LRBA: variants seen among roughly 807,000 people sequenced by gnomAD.
LRBA encodes LPS responsive beige-like anchor protein.
In LRBA, 176 loss-of-function variants were observed where a neutral mutation model predicts 330.0. That is an observed-to-expected ratio of 0.53 (90% CI 0.47 to 0.60). The LOEUF (loss-of-function observed/expected upper bound fraction) is 0.60. Among genes scored for constraint, LRBA ranks in the 20% least tolerant of loss-of-function variants. The pLI is 0.00. For missense variants in LRBA, 3,259 were observed against 3,444.8 expected, an observed-to-expected ratio of 0.95 and a Z score of 1.35; for synonymous variants, 1,230 against 1,193.0, an observed-to-expected ratio of 1.03 and a Z score of -0.64.
intron 29 of LRBA, among the ~76,000 whole-genome samples, chr4:150,828,922 G>GTGGGTGTGTGTGTGTGTGT (rs1560878315): frequency 9.4e-6 from 1 of 106,176 alleles, no homozygotes; most frequent in African/African-American, 4.5e-5. Context: ...CTTTTTTGGG[G>GTGGGTGTGTGTGTGTGTGT]GTGTGTGTGT....
intron 37 of LRBA, among the ~76,000 whole-genome samples, chr4:150,672,018 TA>T (rs1399412403): frequency 6.6e-6 from 1 of 152,200 alleles, no homozygotes; most frequent in African/African-American, 2.4e-5. Context: ...ATGTATAATA[TA>T]AAGCATTAAA....
rs1256517048 is a variant in LRBA, at chr4:150,719,363, A to G, written c.5754+15895T>C. Reference sequence around the variant, plus strand: ...AGTGCAATCTTAACCCATAGTTACAACAAAGAAAGCATCTCCATAATTAAT... The same window carrying G: ...AGTGCAATCTTAACCCATAGTTACAGCAAAGAAAGCATCTCCATAATTAAT... On this transcript the variant is annotated intron_variant, in intron 36 of 56. Transcript: ENST00000651943. Among the ~76,000 whole-genome samples the G allele has an allele frequency of 2.6e-5, 4 of 152,110 alleles. No homozygotes were observed. The East Asian group carries it at 7.7e-4, about 29-fold the overall frequency.
upstream of LRBA, chr4:151,015,723 G>C (rs1745344747): frequency 6.6e-6 from 1 of 151,772 alleles, no homozygotes; most frequent in Non-Finnish European, 1.5e-5. Flanking sequence ...ACAGCGCCGA[G>C]TGCTGCCGGG....
At chr4:150,479,127 A>C (rs1191562372) in intron 42 of LRBA, among the ~76,000 whole-genome samples, 1 of 152,058 alleles carries the variant, frequency 6.6e-6, no homozygotes, top group Non-Finnish European at 1.5e-5. Flanking sequence ...CTTAAAAAAA[A>C]AAATTAGCCA....
At chr4:150,499,947 G>A (rs1027486878) in intron 40 of LRBA, among the ~76,000 whole-genome samples, 1 of 151,828 alleles carries the variant, frequency 6.6e-6, no homozygotes, top group East Asian at 1.9e-4. Flanking sequence ...AGTGAGGTGG[G>A]AAGCAAGGAA....
intron 37 of LRBA, among the ~76,000 whole-genome samples, chr4:150,617,865 G>T (rs1345155782): frequency 6.6e-6 from 1 of 152,070 alleles, no homozygotes; most frequent in East Asian, 1.9e-4. Context: ...CAGCACTTTG[G>T]GAGGCCAAGG....
intron 36 of LRBA, among the ~76,000 whole-genome samples, chr4:150,699,076 G>A (rs1437180723): frequency 6.6e-6 from 1 of 152,096 alleles, no homozygotes; most frequent in Non-Finnish European, 1.5e-5. Context: ...CTCAACCTGA[G>A]GCAGGAAAAA....
chr4:150,850,662 G>T, intron 24 of LRBA, 62 bp downstream of exon 24: 3 of 982,290 alleles, frequency 3.1e-6, no homozygotes, highest in South Asian at 2.2e-5. Context: ...TGTTTCTATG[G>T]ATTTCTTTGA....
chr4:150,415,207 T>C (rs904824434), intron 47 of LRBA, among the ~76,000 whole-genome samples: 2 of 152,240 alleles, frequency 1.3e-5, no homozygotes, highest in Non-Finnish European at 2.9e-5. Context: ...TCATCATGTA[T>C]ATATGAATGT....
chr4:150,727,216 G>A (rs1729821932), intron 36 of LRBA, among the ~76,000 whole-genome samples: 1 of 151,840 alleles, frequency 6.6e-6, no homozygotes, highest in South Asian at 2.1e-4. Context: ...TGGGATTACA[G>A]GTGCATGCCA....
At chr4:150,630,960 G>A (rs1777319005) in intron 37 of LRBA, among the ~76,000 whole-genome samples, 1 of 151,978 alleles carries the variant, frequency 6.6e-6, no homozygotes, top group Admixed American at 6.6e-5. Flanking sequence ...ATTAGAAACA[G>A]TGTCATAACC....
intron 52 of LRBA, among the ~76,000 whole-genome samples, chr4:150,309,064 T>A (rs892053282): frequency 1.3e-5 from 2 of 152,174 alleles, no homozygotes; most frequent in Admixed American, 6.6e-5. Flanking sequence ...CAAGCTTCAT[T>A]CATGGGAAGT....
At chr4:150,908,084 C>T (rs1047808548) in intron 11 of LRBA, among the ~76,000 whole-genome samples, 1 of 151,740 alleles carries the variant, frequency 6.6e-6, no homozygotes, top group Non-Finnish European at 1.5e-5. Context: ...TTTGAGTAAC[C>T]CATTATTGCC....
chr4:150,667,032 G>C (rs1194819096), intron 37 of LRBA, among the ~76,000 whole-genome samples: 1 of 152,118 alleles, frequency 6.6e-6, no homozygotes, highest in Non-Finnish European at 1.5e-5. Flanking sequence ...CTCTGCCAGT[G>C]TCACGTATCT....
At chr4:150,406,602 C>T (rs1168620565) in intron 47 of LRBA, among the ~76,000 whole-genome samples, 3 of 152,036 alleles carry the variant, frequency 2.0e-5, no homozygotes, top group Admixed American at 2.0e-4. Context: ...CAAACAGAGA[C>T]AATTTATGAC....
intron 17 of LRBA, among the ~76,000 whole-genome samples, chr4:150,877,617 T>C (rs1579073435): frequency 6.6e-6 from 1 of 152,176 alleles, no homozygotes; most frequent in Non-Finnish European, 1.5e-5. Flanking sequence ...GCATTAGACA[T>C]GCCATGGAGG....
chr4:150,396,131 C>G (rs1165231137), intron 47 of LRBA, among the ~76,000 whole-genome samples: 1 of 152,140 alleles, frequency 6.6e-6, no homozygotes, highest in Non-Finnish European at 1.5e-5. Flanking sequence ...CTAACATGGG[C>G]AGGTATCATC....
intron 17 of LRBA, among the ~76,000 whole-genome samples, chr4:150,891,476 C>G (rs920926464): frequency 2.0e-5 from 3 of 152,184 alleles, no homozygotes; most frequent in Non-Finnish European, 4.4e-5. Flanking sequence ...ATGAGATTAA[C>G]ATTTAAATAA....
At chr4:150,290,124 A>G (rs1039099279) in intron 53 of LRBA, among the ~76,000 whole-genome samples, 10 of 152,318 alleles carry the variant, frequency 6.6e-5, no homozygotes, top group African/African-American at 2.2e-4. Flanking sequence ...AAATCTTGGA[A>G]CCATATAACT....
Sources: gnomAD v4.1 joint callset for allele counts (sites outside exome capture counted in the v4.1 genomes callset) on GRCh38, gnomAD v4.1.1 for gene constraint, MANE v1.5 for transcripts, NCBI Gene and HGNC (gene_info 2026-07-23, HGNC 2026-07-21) for gene names.